The following RBFOX1 variants were observed in gnomAD, a reference collection of about 807,000 sequenced individuals.
RBFOX1 encodes RNA binding protein fox-1 homolog 1.
In RBFOX1, 8 loss-of-function variants were observed where a neutral mutation model predicts 57.7. That is an observed-to-expected ratio of 0.14 (90% CI 0.08 to 0.25). The LOEUF (loss-of-function observed/expected upper bound fraction) is 0.25, where lower values mean the gene tolerates loss of function less well. RBFOX1 is among the 10% of genes least tolerant of loss of function. RBFOX1 has a pLI of 1.00. For synonymous variants in RBFOX1, 326 were observed against 222.4 expected (o/e 1.47, Z -4.15); for missense variants, 611 against 548.5 (o/e 1.11, Z -1.14).
At chr16:6,002,279 C>T (rs2060615434) in intron 4 of RBFOX1, among the ~76,000 whole-genome samples, 1 of 152,176 alleles carries the variant, frequency 6.6e-6, no homozygotes, top group African/African-American at 2.4e-5. Flanking sequence ...TCGTGGCTAC[C>T]ATTTTCAACT....
chr16:6,210,377 A>AAAAAAAAAAAG (rs1555552426), intron 1 of RBFOX1, among the ~76,000 whole-genome samples: 1 of 128,442 alleles, frequency 7.8e-6, no homozygotes, highest in African/African-American at 2.6e-5. Context: ...AAAAAAAAAA[A>AAAAAAAAAAAG]AGAGAAAGGA....
intron 3 of RBFOX1, among the ~76,000 whole-genome samples, chr16:5,747,695 A>G (rs982210157): frequency 1.3e-5 from 2 of 151,420 alleles, no homozygotes; most frequent in Non-Finnish European, 3.0e-5. Flanking sequence ...CTTTGATGGT[A>G]GTATTTCTGT....
At chr16:5,436,408 A>G (rs185634480) in intron 1 of RBFOX1, among the ~76,000 whole-genome samples, 4 of 152,216 alleles carry the variant, frequency 2.6e-5, no homozygotes, top group Admixed American at 2.6e-4. Context: ...TTACACTCAT[A>G]CAAAGCCTGG....
chr16:5,366,025 A>G (rs2065704649), intron 1 of RBFOX1: 19 of 493,122 alleles, frequency 3.9e-5, no homozygotes, highest in South Asian at 2.5e-4. Flanking sequence ...TAACACTGGC[A>G]GCTTTGAAAA....
chr16:7,572,836 C>G (rs983543210), intron 5 of RBFOX1, among the ~76,000 whole-genome samples: 4 of 70,250 alleles, frequency 5.7e-5, no homozygotes, highest in Non-Finnish European at 1.4e-4. Context: ...GAGAGTCTCT[C>G]TCAAATGAAT....
intron 1 of RBFOX1, among the ~76,000 whole-genome samples, chr16:5,266,792 C>G (rs771629613): frequency 1.3e-5 from 2 of 151,758 alleles, no homozygotes; most frequent in Non-Finnish European, 2.9e-5. Flanking sequence ...CTGTTGGGCT[C>G]AAGCAATCTG....
At chr16:7,303,520 G>A (rs2096084031) in intron 4 of RBFOX1, among the ~76,000 whole-genome samples, 1 of 152,186 alleles carries the variant, frequency 6.6e-6, no homozygotes, top group Non-Finnish European at 1.5e-5. Context: ...CACCGGCAGA[G>A]GGTTTTAGCA....
intron 10 of RBFOX1, among the ~76,000 whole-genome samples, chr16:7,624,013 G>A (rs866875772): frequency 1.3e-5 from 2 of 152,158 alleles, no homozygotes; most frequent in East Asian, 1.9e-4. Flanking sequence ...GGAAGGACTC[G>A]ATGAAATGAG....
In RBFOX1 at chr16:5,684,462, CT is replaced by C. The variant is rs530620765; in HGVS notation, c.318+85502del. 6.0e-3 allele frequency among the ~76,000 whole-genome samples: 908 copies of C among 152,234 alleles called. 9 individuals are homozygous for C. Among genetic ancestry groups the C allele is most frequent in the Non-Finnish European group, 7.0e-3 (477 of 68,030 alleles). On this transcript the variant is annotated intron_variant, in intron 3 of 19. Coordinates refer to the RBFOX1 transcript ENST00000641259. ...CAACTCCCACGTGGCACCAGCTCTC[CT>C]CTGTAGAGCCACTGACTGTTCCTTG...
chr16:6,576,190 C>T (rs2097432998), intron 2 of RBFOX1, among the ~76,000 whole-genome samples: 1 of 152,096 alleles, frequency 6.6e-6, no homozygotes, highest in South Asian at 2.1e-4. Context: ...CCTGCTTATT[C>T]CAGTTCAGGC....
intron 4 of RBFOX1, among the ~76,000 whole-genome samples, chr16:7,413,951 T>C (rs1299641985): frequency 6.6e-6 from 1 of 152,128 alleles, no homozygotes; most frequent in Non-Finnish European, 1.5e-5. Flanking sequence ...AGTAATTACT[T>C]TCCAAACTCC....
intron 1 of RBFOX1, among the ~76,000 whole-genome samples, chr16:6,285,407 C>A (rs892561603): frequency 6.6e-6 from 1 of 152,146 alleles, no homozygotes; most frequent in African/African-American, 2.4e-5. Flanking sequence ...TGAGTGCAGT[C>A]TTCATGCTGA....
At chr16:6,347,611 G>T (rs377603588) in intron 2 of RBFOX1, among the ~76,000 whole-genome samples, 1 of 152,270 alleles carries the variant, frequency 6.6e-6, no homozygotes, top group African/African-American at 2.4e-5. Flanking sequence ...CGCAAGAGAC[G>T]GTTGGGTGAA....
At chr16:6,044,703 C>T (rs1347972259) in intron 1 of RBFOX1, among the ~76,000 whole-genome samples, 1 of 152,104 alleles carries the variant, frequency 6.6e-6, no homozygotes, top group East Asian at 1.9e-4. Flanking sequence ...TATATAATGG[C>T]CTTCTGTGCA....
intron 1 of RBFOX1, among the ~76,000 whole-genome samples, chr16:6,240,079 C>T (rs745575502): frequency 1.3e-5 from 2 of 152,072 alleles, no homozygotes; most frequent in East Asian, 1.9e-4. Flanking sequence ...AAACGCATCT[C>T]GCTCTACTCC....
At chr16:5,463,605 G>C (rs1189715903) in intron 1 of RBFOX1, among the ~76,000 whole-genome samples, 2 of 152,028 alleles carry the variant, frequency 1.3e-5, no homozygotes, top group African/African-American at 4.8e-5. Context: ...TTTGAGATCA[G>C]TCTGGCCAAC....
intron 2 of RBFOX1, among the ~76,000 whole-genome samples, chr16:6,497,565 A>AGTTT (rs772851122): frequency 2.0e-5 from 3 of 147,764 alleles, no homozygotes; most frequent in Admixed American, 6.7e-5. Flanking sequence ...AGTTTTTAAA[A>AGTTT]AAAAAAAAAA....
At chr16:6,700,673 A>T (rs1361588047) in intron 3 of RBFOX1, among the ~76,000 whole-genome samples, 1 of 152,090 alleles carries the variant, frequency 6.6e-6, no homozygotes, top group Non-Finnish European at 1.5e-5. Flanking sequence ...AATAATAATA[A>T]TAATAATTTT....
At chr16:6,521,130 A>G (rs557350763) in intron 2 of RBFOX1, among the ~76,000 whole-genome samples, 14 of 152,274 alleles carry the variant, frequency 9.2e-5, no homozygotes, top group South Asian at 8.3e-4. Context: ...TAGAGGCTCA[A>G]AATGGTGTTT....
Sources: gnomAD v4.1 joint callset for allele counts (sites outside exome capture counted in the v4.1 genomes callset) on GRCh38, gnomAD v4.1.1 for gene constraint, MANE v1.5 for transcripts, NCBI Gene and HGNC (gene_info 2026-07-23, HGNC 2026-07-21) for gene names.